Variants in SPATA17 observed in about 807,000 individuals in gnomAD.
SPATA17 encodes the protein spermatogenesis associated 17, also known as spermatogenesis-associated protein 17.
A neutral mutation model predicts 62.2 loss-of-function variants in SPATA17; 53 were observed. The ratio of observed to expected loss-of-function variants is 0.85; its 90% CI spans 0.68 to 1.07. The LOEUF (loss-of-function observed/expected upper bound fraction) is 1.07. SPATA17 is among the 50% of genes least tolerant of loss of function. The probability of loss-of-function intolerance (pLI) is 0.00; values close to 1 mark genes in which losing one functional copy is unlikely to be tolerated. For synonymous variants in SPATA17, 146 were observed against 146.8 expected (o/e 0.99, Z 0.04); for missense variants, 466 against 425.5 (o/e 1.10, Z -0.84).
intron 1 of SPATA17, among the ~76,000 whole-genome samples, chr1:217,643,051 C>G (rs188047093): frequency 6.6e-6 from 1 of 152,156 alleles, no homozygotes; most frequent in African/African-American, 2.4e-5. Context: ...TGTGTTTGTA[C>G]ACATCTGTAC....
intron 5 of SPATA17, among the ~76,000 whole-genome samples, chr1:217,729,002 A>G (rs552236662): frequency 1.3e-5 from 2 of 152,300 alleles, no homozygotes; most frequent in East Asian, 3.9e-4. Context: ...GTGCATTGTA[A>G]CAATTCATCA....
chr1:217,714,731 C>T (rs568342603), intron 5 of SPATA17, among the ~76,000 whole-genome samples: 10 of 151,928 alleles, frequency 6.6e-5, no homozygotes, highest in African/African-American at 2.4e-4. Context: ...ATGATCCGCC[C>T]GCCTCGGCCT....
intron 8 of SPATA17, among the ~76,000 whole-genome samples, chr1:217,786,763 T>TTCTTCTTCTTCC (rs1673878103): frequency 1.1e-5 from 1 of 87,440 alleles, no homozygotes; most frequent in South Asian, 5.1e-4. Flanking sequence ...CTTCTTCTTC[T>TTCTTCTTCTTCC]TCTTCTTCTT....
intron 9 of SPATA17, among the ~76,000 whole-genome samples, chr1:217,829,021 A>G (rs1387030254): frequency 6.6e-6 from 1 of 152,140 alleles, no homozygotes; most frequent in Non-Finnish European, 1.5e-5. Context: ...CCATTATGGA[A>G]AACAACACAG....
In SPATA17 at chr1:217,735,699, C is replaced by G. The variant is rs146108853; in HGVS notation, c.396-6276C>G. On this transcript the variant is annotated intron_variant, in intron 5 of 10. Coordinates refer to ENST00000366933, the MANE Select transcript of SPATA17 (RefSeq NM_138796.4). ...ATTTTTGTTGAGGGGATCTATGAAG[C>G]CTTCTTACAGGAAACGATGGAGGTT... Among the ~76,000 whole-genome samples, 1,327 of 152,156 alleles carry G rather than the reference C, an allele frequency of 8.7e-3. 15 individuals carry two copies. The highest frequency in any genetic ancestry group is 0.013 in the Non-Finnish European group (854 of 67,986).
intron 8 of SPATA17, among the ~76,000 whole-genome samples, chr1:217,795,663 C>T (rs1674118465): frequency 6.6e-6 from 1 of 151,736 alleles, no homozygotes; most frequent in South Asian, 2.1e-4. Context: ...AGCCACCGCC[C>T]CCAGTGACAA....
intron 5 of SPATA17, among the ~76,000 whole-genome samples, chr1:217,688,739 C>A (rs891356766): frequency 6.6e-6 from 1 of 152,152 alleles, no homozygotes; most frequent in Non-Finnish European, 1.5e-5. Flanking sequence ...CATCTGCATG[C>A]CCGGAGACTC....
chr1:217,741,010 C>T (rs1251071616), intron 5 of SPATA17, among the ~76,000 whole-genome samples: 1 of 152,144 alleles, frequency 6.6e-6, no homozygotes, highest in Non-Finnish European at 1.5e-5. Context: ...TATTTCTAGA[C>T]ATTGAAGTAG....
chr1:217,679,016 G>T (rs1284747358), intron 4 of SPATA17, among the ~76,000 whole-genome samples: 1 of 151,658 alleles, frequency 6.6e-6, no homozygotes, highest in Non-Finnish European at 1.5e-5. Context: ...AAAATTAAAA[G>T]TATATTTACT....
chr1:217,714,774 C>G (rs570851871), intron 5 of SPATA17, among the ~76,000 whole-genome samples: 3 of 151,890 alleles, frequency 2.0e-5, no homozygotes, highest in Admixed American at 2.0e-4. Flanking sequence ...CGTGAGCCAC[C>G]GCGCCCAGCC....
chr1:217,849,759 T>A (rs1675605889), intron 9 of SPATA17, among the ~76,000 whole-genome samples: 1 of 152,070 alleles, frequency 6.6e-6, no homozygotes, highest in African/African-American at 2.4e-5. Flanking sequence ...GGAGGAAGAT[T>A]TTCCTGGAGT....
At chr1:217,649,079 C>T in intron 2 of SPATA17, 108 bp downstream of exon 2, 1 of 699,700 alleles carries the variant, frequency 1.4e-6, no homozygotes, top group Non-Finnish European at 2.3e-6. Flanking sequence ...TTATTTTACT[C>T]ATAATGTAGT....
At chr1:217,802,895 C>T (rs1674346407) in intron 9 of SPATA17, among the ~76,000 whole-genome samples, 1 of 152,046 alleles carries the variant, frequency 6.6e-6, no homozygotes, top group Admixed American at 6.6e-5. Flanking sequence ...ATCATAGGAA[C>T]ATGACAAGGG....
intron 1 of SPATA17, among the ~76,000 whole-genome samples, chr1:217,632,160 G>T (rs1235338195): frequency 6.6e-6 from 1 of 151,836 alleles, no homozygotes; most frequent in African/African-American, 2.4e-5. Flanking sequence ...TCCAGCCTGG[G>T]TGACAAATTA....
intron 2 of SPATA17, among the ~76,000 whole-genome samples, chr1:217,650,176 T>C (rs1259627479): frequency 6.6e-6 from 1 of 151,954 alleles, no homozygotes; most frequent in Non-Finnish European, 1.5e-5. Flanking sequence ...CGACCTCAGG[T>C]GATCCGCCCG....
chr1:217,712,754 G>A (rs1189011965), intron 5 of SPATA17, among the ~76,000 whole-genome samples: 1 of 152,114 alleles, frequency 6.6e-6, no homozygotes, highest in African/African-American at 2.4e-5. Flanking sequence ...AGCAAATAGG[G>A]TCTTTTCAGA....
chr1:217,653,518 GTTAAATA>G (rs1379278611), intron 3 of SPATA17, among the ~76,000 whole-genome samples: 1 of 151,958 alleles, frequency 6.6e-6, no homozygotes, highest in Non-Finnish European at 1.5e-5. Context: ...AATTAATATA[GTTAAATA>G]TATACTCTTC....
chr1:217,661,330 G>A (rs927417158), intron 3 of SPATA17, among the ~76,000 whole-genome samples: 1 of 151,996 alleles, frequency 6.6e-6, no homozygotes, highest in Non-Finnish European at 1.5e-5. Context: ...TGTCAAATGT[G>A]AAGTTCAAGC....
Position 217,774,686 on chromosome 1 carries a change from G to C in SPATA17, c.723+149G>C. Reference sequence around the variant, plus strand: ...TCATATTTTTGTGCAATCAGCTGTCGCTAGAACTCTTTTCATCTTGGAGAA... The same window carrying C: ...TCATATTTTTGTGCAATCAGCTGTCCCTAGAACTCTTTTCATCTTGGAGAA... On this transcript the variant is annotated intron_variant, in intron 7 of 10. Coordinates refer to ENST00000366933, the MANE Select transcript of SPATA17 (RefSeq NM_138796.4). 4.5e-6 allele frequency: 3 copies of C among 662,064 alleles called. 1 individual carries two copies. Among genetic ancestry groups the C allele is most frequent in the South Asian group, 4.1e-5 (2 of 48,808 alleles). 41.0% of individuals were successfully genotyped at this position (662,064 alleles called of 1,614,324 possible). A position where few individuals can be genotyped will look rare whatever the true frequency, so the allele number is the denominator to read the frequency against.
Sources: gnomAD v4.1 joint callset for allele counts (sites outside exome capture counted in the v4.1 genomes callset) on GRCh38, gnomAD v4.1.1 for gene constraint, MANE v1.5 for transcripts, NCBI Gene and HGNC (gene_info 2026-07-23, HGNC 2026-07-21) for gene names.